The following DMD variants were observed in gnomAD, a reference collection of about 807,000 sequenced individuals.
The protein encoded by DMD is dystrophin.
A neutral mutation model predicts 330.1 loss-of-function variants in DMD; 63 were observed. The ratio of observed to expected loss-of-function variants is 0.19; its 90% confidence interval spans 0.16 to 0.24. The LOEUF is 0.24. Among genes scored for constraint, DMD ranks in the 10% least tolerant of loss-of-function variants. The pLI is 1.00. For synonymous variants in DMD, 1,223 were observed against 959.8 expected, an observed-to-expected ratio of 1.27 and a Z score of -5.07; for missense variants, 3,344 against 2,684.1, an observed-to-expected ratio of 1.25 and a Z score of -5.43.
chrX:33,152,727 T>C (rs1401742682), intron 1 of DMD, among the ~76,000 whole-genome samples: 2 of 111,489 alleles, frequency 1.8e-5, no homozygotes, highest in Non-Finnish European at 3.8e-5. Flanking sequence ...AGGGTATTAC[T>C]GTTAAGTGTA....
rs150604026 is a variant in DMD at position 32,754,684 on chromosome X, A to T, written c.649+54809T>A. Among the ~76,000 whole-genome samples, 175 of 112,077 alleles carry T rather than the reference A, an allele frequency of 1.6e-3. 2 individuals are homozygous for T. The East Asian group carries it at 0.042, about 27-fold the overall frequency. Reference sequence around the variant, plus strand: ...TGAGTCAATAACAAACTTATCGCAGATTTAAACATACAGAAATTTTCACGG... The same window carrying T: ...TGAGTCAATAACAAACTTATCGCAGTTTTAAACATACAGAAATTTTCACGG... On this transcript the variant is annotated intron_variant, in intron 7 of 78. Coordinates refer to ENST00000357033, the MANE Select transcript of DMD (RefSeq NM_004006.3).
At chrX:32,821,761 A>G (rs1388955179) in intron 5 of DMD, among the ~76,000 whole-genome samples, 2 of 111,415 alleles carry the variant, frequency 1.8e-5, no homozygotes, top group African/African-American at 6.5e-5. Flanking sequence ...AGGCAAATAC[A>G]TATGGACAGA....
intron 44 of DMD, among the ~76,000 whole-genome samples, chrX:32,086,484 G>T (rs922665191): frequency 1.3e-4 from 15 of 111,305 alleles, no homozygotes; most frequent in African/African-American, 4.2e-4. Context: ...TTGCACAAGT[G>T]ATCCAGCCTT....
chrX:32,177,673 G>T (rs2096911119), intron 44 of DMD, among the ~76,000 whole-genome samples: 1 of 110,326 alleles, frequency 9.1e-6, no homozygotes, highest in Admixed American at 9.8e-5. Context: ...CATCATGGTT[G>T]ATTACTTGCA....
intron 7 of DMD, among the ~76,000 whole-genome samples, chrX:32,774,077 T>C (rs2073907231): frequency 1.8e-5 from 2 of 111,792 alleles, no homozygotes; most frequent in South Asian, 3.7e-4. Flanking sequence ...CGCACAACAG[T>C]ATGTACATTA....
At chrX:32,173,343 A>C (rs184520799) in intron 44 of DMD, among the ~76,000 whole-genome samples, 3 of 110,491 alleles carry the variant, frequency 2.7e-5, no homozygotes, top group East Asian at 5.6e-4. Context: ...TTTTTCTTAT[A>C]TATTTCTGAT....
Position 32,287,544 on chromosome X carries a change from T to G in DMD, c.6275A>C (p.Tyr2092Ser). The G allele has an allele frequency of 8.3e-7, 1 of 1,211,020 alleles. No individual in the cohort carries two copies. The highest frequency in any genetic ancestry group is 1.1e-6 in the Non-Finnish European group (1 of 895,048). ...TGTTACCTACCCTTGTCGGTCCTTG[T>G]ACATTTTGTTAACTTTTTCCCATTG... ...DFQWEKVNKM[Y>S]KDRQGRFDRS... The change falls in exon 43 of 79, where the codon TAC (tyrosine) becomes TCC (serine). Residue 2092 changes from tyrosine (Y) to serine (S), a missense_variant. Tyr to Ser is a moderately radical substitution (Grantham distance 144). Coordinates refer to ENST00000357033, the MANE Select transcript of DMD (RefSeq NM_004006.3).
intron 1 of DMD, among the ~76,000 whole-genome samples, chrX:33,260,171 A>G: frequency 9.0e-6 from 1 of 111,392 alleles, no homozygotes; most frequent in Non-Finnish European, 1.9e-5. Context: ...ACCCTTTTGC[A>G]TTCCCACCAG....
At position 32,392,110 on chromosome X, in the gene DMD, G is replaced by A. The variant is rs558655905; in HGVS notation, c.4234-1929C>T. ...TGTGTCACATATACTAGCAAATTGT[G>A]CTTACGAAGTCCCTAGTTTGCAGAG... On this transcript the variant is annotated intron_variant, in intron 30 of 78. Coordinates refer to ENST00000357033, the MANE Select transcript of DMD (RefSeq NM_004006.3). Among the ~76,000 whole-genome samples the A allele has an allele frequency of 2.1e-4, 23 of 111,803 alleles. 1 individual carries two copies. The South Asian group carries it at 8.7e-3, about 42-fold the overall frequency.
chrX:33,287,941 T>C (rs1346456238), intron 1 of DMD, among the ~76,000 whole-genome samples: 1 of 111,547 alleles, frequency 9.0e-6, no homozygotes, highest in Non-Finnish European at 1.9e-5. Flanking sequence ...GTGAGGCTAC[T>C]TTCTTTCCTT....
Position 32,407,537 on chromosome X carries a change from A to G in DMD, c.4233+4215T>C, listed in dbSNP as rs975312621. Among the ~76,000 whole-genome samples, 21 of 111,252 alleles carry G rather than the reference A, an allele frequency of 1.9e-4. No homozygotes were observed. The East Asian group carries it at 2.0e-3, about 11-fold the overall frequency. The stretch of plus-strand genomic sequence containing the variant: ...TACACTGTTGGTGGGACTGTAAACT[A>G]GTTCAACCATTGTGGAAGTCACTGT... On this transcript the variant is annotated intron_variant, in intron 30 of 78. Transcript: ENST00000357033.
At chrX:32,022,474 A>G (rs1045277961) in intron 44 of DMD, among the ~76,000 whole-genome samples, 2 of 112,509 alleles carry the variant, frequency 1.8e-5, no homozygotes, top group African/African-American at 3.2e-5. Flanking sequence ...TAAGGTATGA[A>G]TATCTAATGG....
At chrX:32,035,391 T>G (rs2095934778) in intron 44 of DMD, among the ~76,000 whole-genome samples, 1 of 111,577 alleles carries the variant, frequency 9.0e-6, no homozygotes, top group African/African-American at 3.2e-5. Flanking sequence ...TTAATCATTT[T>G]GGTTTGTTTA....
At chrX:32,880,984 C>T (rs2083886296) in intron 2 of DMD, among the ~76,000 whole-genome samples, 1 of 112,800 alleles carries the variant, frequency 8.9e-6, no homozygotes. Context: ...TTCTTTCAAA[C>T]CTGTAATCTG....
rs751206516 is a variant in DMD, at chrX:32,481,294, T to C, written c.2803+3625A>G. On this transcript the variant is annotated intron_variant, in intron 21 of 78. Coordinates refer to ENST00000357033, the MANE Select transcript of DMD (RefSeq NM_004006.3). ...ATTTTTCTTTATCTTATCACAACTGTAGTTTAAGGTTCAATGGACTCTCCT... is the reference window on the plus strand; with the variant it reads ...ATTTTTCTTTATCTTATCACAACTGCAGTTTAAGGTTCAATGGACTCTCCT... Among the ~76,000 whole-genome samples the C allele has an allele frequency of 2.7e-5, 3 of 111,750 alleles. No individual in the cohort carries two copies. In the East Asian group the frequency reaches 8.5e-4, roughly 32 times the overall value.
At chrX:32,025,396 T>C (rs1409473141) in intron 44 of DMD, among the ~76,000 whole-genome samples, 1 of 112,082 alleles carries the variant, frequency 8.9e-6, no homozygotes, top group African/African-American at 3.2e-5. Context: ...AATAAAAATT[T>C]AGTTCCTTAG....
chrX:33,193,136 G>A lies in DMD; in HGVS notation c.31+18146C>T, dbSNP rs754403272. Among the ~76,000 whole-genome samples the A allele has an allele frequency of 9.0e-5, 10 of 111,002 alleles. No individual in the cohort carries two copies. In the South Asian group the frequency reaches 1.9e-3, roughly 21 times the overall value. On this transcript the variant is annotated intron_variant, in intron 1 of 78. Coordinates refer to ENST00000357033, the MANE Select transcript of DMD (RefSeq NM_004006.3). ...AGCCTGGCCAACATGGCAAAACCCC[G>A]TCTCTACTAAAAATATAAAAATTAG... is the stretch of plus-strand genomic sequence containing the variant.
chrX:32,320,161 A>G (rs2097605000), intron 41 of DMD, among the ~76,000 whole-genome samples: 1 of 111,078 alleles, frequency 9.0e-6, no homozygotes, highest in South Asian at 3.7e-4. Flanking sequence ...ACTTGAGTAG[A>G]TTTTTCAGAA....
intron 7 of DMD, among the ~76,000 whole-genome samples, chrX:32,705,844 A>C (rs2064580353): frequency 9.0e-6 from 1 of 110,703 alleles, no homozygotes; most frequent in Non-Finnish European, 1.9e-5. Context: ...TAGAACTAGA[A>C]ATACCATTTG....
Sources: gnomAD v4.1 joint callset for allele counts (sites outside exome capture counted in the v4.1 genomes callset) on GRCh38, gnomAD v4.1.1 for gene constraint, MANE v1.5 for transcripts, NCBI Gene and HGNC (gene_info 2026-07-23, HGNC 2026-07-21) for gene names.